The following SYT16 variants were observed in gnomAD, a reference collection of about 807,000 sequenced individuals.
The protein encoded by SYT16 is synaptotagmin-16.
A neutral mutation model predicts 61.4 loss-of-function variants in SYT16; 42 were observed. The ratio of observed to expected loss-of-function variants is 0.68; its 90% confidence interval spans 0.53 to 0.89. The LOEUF is 0.89. SYT16 is among the 40% of genes least tolerant of loss of function. The probability of loss-of-function intolerance (pLI) is 0.00; values close to 1 mark genes in which losing one functional copy is unlikely to be tolerated. For synonymous variants in SYT16, 314 were observed against 302.3 expected (o/e 1.04, Z -0.40); for missense variants, 804 against 807.3 (o/e 1.00, Z 0.05).
chr14:61,878,779 A>G (rs2140315168), intron 1 of SYT16, among the ~76,000 whole-genome samples: 1 of 152,306 alleles, frequency 6.6e-6, no homozygotes, highest in East Asian at 1.9e-4. Flanking sequence ...AATGTTAGAA[A>G]GATTTTTGCC....
rs759664973 is a variant in SYT16 at position 62,081,162 on chromosome 14, G to A, written c.1322G>A (p.Arg441Gln). Residue 441 changes from arginine (R) to glutamine (Q), a missense_variant, in exon 6 of 8, where the codon CGG becomes CAG. Transcript: ENST00000683842. ...CAVRFRLYAA[R>Q]KMTRERMMGE... ...GTCCGCTTCCGCCTGTACGCTGCCC[G>A]GAAGATGACCCGAGAGAGAATGATG... 20 of 1,613,768 alleles carry A rather than the reference G, an allele frequency of 1.2e-5. 1 individual carries two copies. The highest frequency in any genetic ancestry group is 1.6e-4 in the Middle Eastern group (1 of 6,084).
At chr14:61,905,913 A>G (rs564932127) in intron 1 of SYT16, among the ~76,000 whole-genome samples, 13 of 152,180 alleles carry the variant, frequency 8.5e-5, no homozygotes, top group African/African-American at 3.1e-4. Flanking sequence ...ATGTGCCACC[A>G]CGCCCAGCTA....
chr14:61,877,380 G>A (rs2047536860), intron 1 of SYT16, among the ~76,000 whole-genome samples: 1 of 152,176 alleles, frequency 6.6e-6, no homozygotes, highest in Admixed American at 6.5e-5. Flanking sequence ...TGTGAAGTAT[G>A]AGGACTCCAC....
At chr14:61,935,442 A>G (rs2049940570) in intron 1 of SYT16, among the ~76,000 whole-genome samples, 2 of 152,180 alleles carry the variant, frequency 1.3e-5, no homozygotes, top group African/African-American at 4.8e-5. Flanking sequence ...CCTGCAGAAG[A>G]AAAGTCCTAA....
chr14:61,826,828 G>A (rs117428652), intron 1 of SYT16, among the ~76,000 whole-genome samples: 2,580 of 152,094 alleles, frequency 0.017, 47 homozygotes, highest in Middle Eastern at 0.048. Context: ...TGAGGTGCCA[G>A]GAGGGTTGGT....
chr14:61,873,588 A>G (rs1341543266), intron 1 of SYT16, among the ~76,000 whole-genome samples: 1 of 152,222 alleles, frequency 6.6e-6, no homozygotes, highest in Non-Finnish European at 1.5e-5. Flanking sequence ...ACTTTGATGC[A>G]TTTTTAAAAA....
chr14:61,941,493 A>G (rs1353139245), intron 1 of SYT16, among the ~76,000 whole-genome samples: 1 of 152,134 alleles, frequency 6.6e-6, no homozygotes, highest in Non-Finnish European at 1.5e-5. Flanking sequence ...TCTTCTTGCA[A>G]TCCGTAGTGA....
intron 1 of SYT16, among the ~76,000 whole-genome samples, chr14:61,872,786 T>C (rs552218868): frequency 6.6e-6 from 1 of 152,338 alleles, no homozygotes; most frequent in African/African-American, 2.4e-5. Flanking sequence ...GCTCATGGCT[T>C]CTCTTGTTTT....
chr14:62,022,890 C>A (rs1041245544), intron 3 of SYT16, among the ~76,000 whole-genome samples: 1 of 152,010 alleles, frequency 6.6e-6, no homozygotes, highest in Non-Finnish European at 1.5e-5. Flanking sequence ...TCTAGATTTT[C>A]CATTTGAGTC....
At chr14:61,999,730 A>G (rs959074772) in intron 3 of SYT16, among the ~76,000 whole-genome samples, 3 of 151,826 alleles carry the variant, frequency 2.0e-5, no homozygotes, top group Admixed American at 6.6e-5. Context: ...GCTGTATCTA[A>G]TAAGTATGAA....
rs544699868 is a variant in SYT16, at chr14:61,936,308, T to C, written c.-324-33824T>C. ...CATGAGGAGTCATCATTTTCTGCCATGATTTCCCAGCAAAGAAAAAAGTAC... is the reference window on the plus strand; with the variant it reads ...CATGAGGAGTCATCATTTTCTGCCACGATTTCCCAGCAAAGAAAAAAGTAC... On this transcript the variant is annotated intron_variant, in intron 1 of 7. Coordinates refer to ENST00000683842, the MANE Select transcript of SYT16 (RefSeq NM_001367656.1). 5.3e-5 allele frequency among the ~76,000 whole-genome samples: 8 copies of C among 152,162 alleles called. No individual in the cohort carries two copies. In the South Asian group the frequency reaches 1.7e-3, roughly 32 times the overall value.
At chr14:62,022,701 A>G (rs1473643568) in intron 3 of SYT16, among the ~76,000 whole-genome samples, 1 of 152,068 alleles carries the variant, frequency 6.6e-6, no homozygotes, top group Non-Finnish European at 1.5e-5. Flanking sequence ...TAAAAAATGT[A>G]CTTCAGTGTA....
At chr14:61,985,679 G>A (rs2052276533) in intron 2 of SYT16, among the ~76,000 whole-genome samples, 1 of 152,162 alleles carries the variant, frequency 6.6e-6, no homozygotes, top group South Asian at 2.1e-4. Context: ...TTGACATTTT[G>A]CAAATAGTTT....
At chr14:61,967,552 T>C (rs961517619) in intron 1 of SYT16, among the ~76,000 whole-genome samples, 1 of 152,174 alleles carries the variant, frequency 6.6e-6, no homozygotes, top group Admixed American at 6.5e-5. Context: ...TCGCAGTCCT[T>C]AACTCGAGGT....
intron 2 of SYT16, among the ~76,000 whole-genome samples, chr14:61,980,158 G>A (rs766177042): frequency 6.6e-6 from 1 of 152,202 alleles, no homozygotes; most frequent in Non-Finnish European, 1.5e-5. Flanking sequence ...GTGGTCCCTA[G>A]TGTGGAAGCA....
chr14:62,032,920 G>T (rs1265122066), intron 3 of SYT16, among the ~76,000 whole-genome samples: 1 of 151,664 alleles, frequency 6.6e-6, no homozygotes, highest in African/African-American at 2.4e-5. Context: ...ATCTGAATTG[G>T]TTCACTTTTA....
intron 1 of SYT16, among the ~76,000 whole-genome samples, chr14:61,914,615 A>C (rs1485706621): frequency 1.6e-5 from 2 of 125,352 alleles, no homozygotes; most frequent in East Asian, 9.8e-4. Flanking sequence ...GAGGCCAAAA[A>C]CCTTGGGGTT....
chr14:62,079,125 A>G (rs944206191), intron 5 of SYT16, among the ~76,000 whole-genome samples: 1 of 152,196 alleles, frequency 6.6e-6, no homozygotes, highest in Admixed American at 6.5e-5. Context: ...TTGAGAGAAG[A>G]TTCTGACTTG....
At chr14:62,043,164 T>C (rs866901197) in intron 3 of SYT16, among the ~76,000 whole-genome samples, 73 of 151,754 alleles carry the variant, frequency 4.8e-4, no homozygotes, top group African/African-American at 1.6e-3. Context: ...TTCCAGTTCA[T>C]GTACTTCATT....
Sources: gnomAD v4.1 joint callset for allele counts (sites outside exome capture counted in the v4.1 genomes callset) on GRCh38, gnomAD v4.1.1 for gene constraint, MANE v1.5 for transcripts, NCBI Gene and HGNC (gene_info 2026-07-23, HGNC 2026-07-21) for gene names.